Variants in CD1A observed in about 807,000 individuals in gnomAD.
The protein encoded by CD1A is CD1a molecule.
Under a neutral mutation model 38.3 loss-of-function variants are expected in CD1A, and 50 were observed. The observed-to-expected ratio is 1.30, with a 90% CI of 1.04 to 1.65. The LOEUF (loss-of-function observed/expected upper bound fraction) is 1.65. CD1A is among the 40% of genes most tolerant of loss of function. The probability of loss-of-function intolerance (pLI) is 0.00; values close to 1 mark genes in which losing one functional copy is unlikely to be tolerated. For synonymous variants in CD1A, 160 were observed against 150.8 expected (o/e 1.06, Z -0.45); for missense variants, 459 against 406.1 (o/e 1.13, Z -1.12).
chr1:158,256,188 T>C lies in CD1A; in HGVS notation c.510T>C (p.His170=), dbSNP rs761080636. The C allele has an allele frequency of 1.9e-6, 3 of 1,614,180 alleles. No individual in the cohort carries two copies. Among genetic ancestry groups the C allele is most frequent in the Non-Finnish European group, 2.5e-6 (3 of 1,180,016 alleles). ...GCAAAGTGCTCAATCAGAATCAGCA[T>C]GAAAATGACATAACACACAATCTTC... ...HFCKVLNQNQ[H]ENDITHNLLS... Residue 170 remains histidine, a synonymous_variant, in exon 3 of 6, where the codon CAT becomes CAC. Transcript: ENST00000289429.
At chr1:158,251,260 T>C (rs1311073146), upstream of CD1A, among the ~76,000 whole-genome samples, 3 of 152,112 alleles carry the variant, frequency 2.0e-5, no homozygotes, top group African/African-American at 7.2e-5. Flanking sequence ...GGAAGAGGAG[T>C]TGCCTTGTCT....
At chr1:158,255,920 C>T in intron 2 of CD1A, 84 bp from the exon 3 acceptor site, 1 of 1,350,108 alleles carries the variant, frequency 7.4e-7, no homozygotes, top group Non-Finnish European at 1.0e-6. Flanking sequence ...CTGCACACTT[C>T]CCCCTTCTGC....
Position 158,254,594 on chromosome 1 carries a change from T to G in CD1A, c.-76T>G, listed in dbSNP as rs182475721. ...GCAGAAAGAAGTCAGAATAGAGATA[T>G]CGTGGGGTAGGTTTGTTTGGAACAG... is the stretch of plus-strand genomic sequence containing the variant. On this transcript the variant is annotated 5_prime_UTR_variant, in exon 1 of 6. Coordinates refer to ENST00000289429, the MANE Select transcript of CD1A (RefSeq NM_001763.3). 2.7e-4 allele frequency: 432 copies of G among 1,610,028 alleles called. No individual in the cohort carries two copies. Among genetic ancestry groups the G allele is most frequent in the Non-Finnish European group, 3.6e-4 (421 of 1,178,300 alleles).
upstream of CD1A, among the ~76,000 whole-genome samples, chr1:158,250,949 G>A (rs1190416624): frequency 6.6e-6 from 1 of 152,172 alleles, no homozygotes; most frequent in African/African-American, 2.4e-5. Flanking sequence ...TGAATAACAT[G>A]GGGGTTAGGA....
upstream of CD1A, chr1:158,254,221 G>A: frequency 9.8e-7 from 1 of 1,020,374 alleles, no homozygotes; most frequent in South Asian, 3.9e-5. Context: ...AAGAGACAGG[G>A]GAAGAGAATA....
chr1:158,248,892 G>T, the CD1A span, among the ~76,000 whole-genome samples: 1 of 152,122 alleles, frequency 6.6e-6, no homozygotes, highest in Non-Finnish European at 1.5e-5. Context: ...CAGACCCACA[G>T]TAGGACTACA....
At chr1:158,254,284 A>G, upstream of CD1A, 1 of 1,099,184 alleles carries the variant, frequency 9.1e-7, no homozygotes, top group Non-Finnish European at 1.1e-6. Context: ...GGGACATGGG[A>G]GCATTGGGCA....
At chr1:158,250,059 G>C (rs757183809), upstream of CD1A, among the ~76,000 whole-genome samples, 3 of 152,260 alleles carry the variant, frequency 2.0e-5, no homozygotes, top group Non-Finnish European at 4.4e-5. Flanking sequence ...GCCAACCTCT[G>C]TGCAGACACT....
chr1:158,256,500 T>C (rs1338143049), intron 3 of CD1A, among the ~76,000 whole-genome samples: 1 of 151,892 alleles, frequency 6.6e-6, no homozygotes, highest in Non-Finnish European at 1.5e-5. Context: ...GAGACCAGTG[T>C]CTCTAAAAAA....
At chr1:158,249,585 A>G (rs990238826), upstream of CD1A, among the ~76,000 whole-genome samples, 2 of 152,240 alleles carry the variant, frequency 1.3e-5, no homozygotes, top group African/African-American at 4.8e-5. Flanking sequence ...AAAGATTCAG[A>G]ACATAGCAGG....
At position 158,254,728 on chromosome 1, in the gene CD1A, G is replaced by T. The variant is rs1277069816; in HGVS notation, c.58+1G>T. The T allele has an allele frequency of 6.2e-7, 1 of 1,609,094 alleles. No homozygotes were observed. Among genetic ancestry groups the T allele is most frequent in the African/African-American group, 1.3e-5 (1 of 74,726 alleles). On this transcript the variant is annotated splice_donor_variant, in intron 1 of 5. Transcript: ENST00000289429. LOFTEE classifies it high-confidence loss of function. Reference sequence around the variant, plus strand: ...CTCCCAGGTGATGGCAATGCAGACGGTAAGAACTCTGACAACTGCCCAGTT... The same window carrying T: ...CTCCCAGGTGATGGCAATGCAGACGTTAAGAACTCTGACAACTGCCCAGTT...
chr1:158,251,203 C>T (rs1189007075), upstream of CD1A, among the ~76,000 whole-genome samples: 1 of 152,174 alleles, frequency 6.6e-6, no homozygotes, highest in African/African-American at 2.4e-5. Flanking sequence ...TGGATCATCA[C>T]ATGTTCGTCT....
chr1:158,256,916 G>A lies in CD1A; in HGVS notation c.735G>A (p.Gln245=). The change falls in exon 4 of 6, where the codon CAG becomes CAA. Residue 245 remains glutamine (Q), a synonymous_variant. Coordinates refer to ENST00000289429, the MANE Select transcript of CD1A (RefSeq NM_001763.3). ...GGATGCGGGGTGAGCAGGAGCAGCA[G>A]GGCACTCAGCGAGGGGACATCTTGC... ...VMWMRGEQEQ[Q]GTQRGDILPS... 6.2e-7 allele frequency: 1 copy of A among 1,614,230 alleles called. No homozygotes were observed. The highest frequency in any genetic ancestry group is 8.5e-7 in the Non-Finnish European group (1 of 1,180,048).
intron 1 of CD1A, 49 bp from the exon 2 acceptor site, chr1:158,255,035 C>T (rs411089): frequency 0.34 from 543,997 of 1,586,714 alleles, 103,892 homozygotes; most frequent in African/African-American, 0.68. Flanking sequence ...CTCTCTCCAT[C>T]CTCTTTCTCA....
chr1:158,256,295 C>A lies in CD1A; in HGVS notation c.604+13C>A. On this transcript the variant is annotated intron_variant, in intron 3 of 5. Transcript: ENST00000289429. ...CTCCAGCGGCAAGGTCAGTCCTGCA[C>A]TCTCCCTCCAAGAAGTTTTGATTTG... is the stretch of plus-strand genomic sequence containing the variant. 6.2e-7 allele frequency: 1 copy of A among 1,604,586 alleles called. No homozygotes were observed. The highest frequency in any genetic ancestry group is 8.5e-7 in the Non-Finnish European group (1 of 1,174,352).
At chr1:158,257,619 C>T in intron 5 of CD1A, 62 bp from the exon 6 acceptor site, 1 of 1,595,778 alleles carries the variant, frequency 6.3e-7, no homozygotes, top group East Asian at 2.2e-5. Flanking sequence ...CCCCTTCCCT[C>T]TTGCTCCTCA....
upstream of CD1A, among the ~76,000 whole-genome samples, chr1:158,251,099 G>C (rs1650074965): frequency 6.6e-6 from 1 of 152,196 alleles, no homozygotes; most frequent in Admixed American, 6.5e-5. Context: ...TATGTTATAT[G>C]TATTATATAT....
chr1:158,256,324 A>G (rs774327168), intron 3 of CD1A, 42 bp downstream of exon 3: 5 of 1,569,662 alleles, frequency 3.2e-6, no homozygotes, highest in Non-Finnish European at 4.3e-6. Context: ...TGATTTGAAA[A>G]TCATACCCTT....
intron 4 of CD1A, 35 bp from the exon 5 acceptor site, chr1:158,257,386 A>T (rs754499933): frequency 6.6e-7 from 1 of 1,504,584 alleles, no homozygotes; most frequent in East Asian, 2.3e-5. Context: ...AATGGGATGG[A>T]TTATAACATC....
Sources: gnomAD v4.1 joint callset for allele counts (sites outside exome capture counted in the v4.1 genomes callset) on GRCh38, gnomAD v4.1.1 for gene constraint, MANE v1.5 for transcripts, NCBI Gene and HGNC (gene_info 2026-07-23, HGNC 2026-07-21) for gene names.